SPSB1: variants seen among roughly 807,000 people sequenced by gnomAD.
SPSB1 encodes splA/ryanodine receptor domain and SOCS box containing 1.
In SPSB1, 8 loss-of-function variants were observed where a neutral mutation model predicts 21.2. That is an observed-to-expected ratio of 0.38 (90% CI 0.22 to 0.68). The LOEUF (loss-of-function observed/expected upper bound fraction) is 0.68. Ranked by LOEUF, SPSB1 falls within the 30% of genes least tolerant of loss-of-function variation. The pLI is 0.53. For missense variants in SPSB1, 242 were observed against 377.8 expected (o/e 0.64, Z 2.98); for synonymous variants, 169 against 161.7 (o/e 1.05, Z -0.34).
At chr1:9,358,172 C>T (rs1356012614) in intron 2 of SPSB1, among the ~76,000 whole-genome samples, 1 of 152,170 alleles carries the variant, frequency 6.6e-6, no homozygotes, top group South Asian at 2.1e-4. Flanking sequence ...GGGAAAGTGT[C>T]GGGGTGGTTA....
At chr1:9,306,101 C>G (rs778360607) in intron 1 of SPSB1, among the ~76,000 whole-genome samples, 1 of 152,166 alleles carries the variant, frequency 6.6e-6, no homozygotes, top group African/African-American at 2.4e-5. Context: ...GCTCCTGCAG[C>G]GGGAGGAACC....
intron 1 of SPSB1, chr1:9,351,362 A>G (rs182440767): frequency 2.0e-4 from 30 of 152,410 alleles, no homozygotes; most frequent in African/African-American, 6.7e-4. Context: ...ACAGGAGAAC[A>G]GTGATCTTTG....
At chr1:9,341,700 G>A (rs1403061010) in intron 1 of SPSB1, among the ~76,000 whole-genome samples, 2 of 152,134 alleles carry the variant, frequency 1.3e-5, no homozygotes, top group Non-Finnish European at 2.9e-5. Flanking sequence ...ACGCTGGCCT[G>A]TGTTTTTGTT....
At chr1:9,355,679 C>T (rs1007286400) in intron 1 of SPSB1, 64 bp from the exon 2 acceptor site, 41 of 1,286,604 alleles carry the variant, frequency 3.2e-5, no homozygotes, top group African/African-American at 7.6e-5. Context: ...CCTTGCCCTC[C>T]GGGTTAACTT....
intron 1 of SPSB1, among the ~76,000 whole-genome samples, chr1:9,311,878 A>C (rs1639526979): frequency 6.6e-6 from 1 of 152,294 alleles, no homozygotes; most frequent in East Asian, 1.9e-4. Flanking sequence ...ATCCTCTGCC[A>C]GATGAAATAG....
Position 9,317,656 on chromosome 1 carries a change from G to A in SPSB1, c.-150+24585G>A, listed in dbSNP as rs1320673290. Among the ~76,000 whole-genome samples, 1 of 152,028 alleles carries A rather than the reference G, an allele frequency of 6.6e-6. No individual in the cohort carries two copies. Among genetic ancestry groups the A allele is most frequent in the African/African-American group, 2.4e-5 (1 of 41,388 alleles). ...AGATATATATATATTTTTGTATTTT[G>A]TATTTTTTGTAGAGTTGGGGTTTCA... On this transcript the variant is annotated intron_variant, in intron 1 of 2. Transcript: ENST00000328089. The surrounding 1 kb of genome is among the most constrained non-coding windows in gnomAD (Gnocchi z 4.3).
chr1:9,319,333 G>C (rs758057455), intron 1 of SPSB1, among the ~76,000 whole-genome samples: 9 of 152,192 alleles, frequency 5.9e-5, no homozygotes, highest in Non-Finnish European at 1.2e-4. Flanking sequence ...CCTGGCCGTG[G>C]CATGTTGCTC....
At chr1:9,294,777 G>A (rs1473589419) in intron 1 of SPSB1, among the ~76,000 whole-genome samples, 2 of 152,264 alleles carry the variant, frequency 1.3e-5, no homozygotes, top group Non-Finnish European at 2.9e-5. Context: ...GGTGTGAGGA[G>A]AACAGCAAGC....
rs954758944 is a variant in SPSB1, at chr1:9,305,370, G to T, written c.-150+12299G>T. 1.3e-5 allele frequency among the ~76,000 whole-genome samples: 2 copies of T among 152,218 alleles called. No homozygotes were observed. The highest frequency in any genetic ancestry group is 2.4e-5 in the African/African-American group (1 of 41,462). ...CCCAGACACATGCACCCTCAGCCAT[G>T]CCAGGGACAGCTGCTGTTGTGGGCA... On this transcript the variant is annotated intron_variant, in intron 1 of 2. Coordinates refer to ENST00000328089, the MANE Select transcript of SPSB1 (RefSeq NM_025106.4). The surrounding 1 kb of genome is among the most constrained non-coding windows in gnomAD (Gnocchi z 4.8).
chr1:9,304,204 A>G (rs1251564533), intron 1 of SPSB1, among the ~76,000 whole-genome samples: 4 of 152,052 alleles, frequency 2.6e-5, no homozygotes, highest in African/African-American at 4.8e-5. Flanking sequence ...TGGGACTCAT[A>G]CCATTGGTCC....
At chr1:9,344,375 G>T (rs1481423689) in intron 1 of SPSB1, among the ~76,000 whole-genome samples, 2 of 152,192 alleles carry the variant, frequency 1.3e-5, no homozygotes, top group African/African-American at 4.8e-5. Context: ...GTAAAACAGG[G>T]CCTTTCCATC....
In SPSB1 at chr1:9,316,567, G is replaced by A. The variant is rs143056259; in HGVS notation, c.-150+23496G>A. On this transcript the variant is annotated intron_variant, in intron 1 of 2. Coordinates refer to ENST00000328089, the MANE Select transcript of SPSB1 (RefSeq NM_025106.4). ...GCTGGATGGCGAGGAGGGGGGGGCT[G>A]ATCGAAGCGGGTTCAGGGGCTGCCA... Among the ~76,000 whole-genome samples, 35 of 152,232 alleles carry A rather than the reference G, an allele frequency of 2.3e-4. No homozygotes were observed. In the East Asian group the frequency reaches 6.8e-3, roughly 29 times the overall value.
chr1:9,340,094 G>C (rs1557459043), intron 1 of SPSB1, among the ~76,000 whole-genome samples: 1 of 152,200 alleles, frequency 6.6e-6, no homozygotes, highest in South Asian at 2.1e-4. Flanking sequence ...GCAAGCTCCT[G>C]GGTGATGGTC....
chr1:9,309,968 CT>C (rs1294044354), intron 1 of SPSB1, among the ~76,000 whole-genome samples: 1 of 152,284 alleles, frequency 6.6e-6, no homozygotes, highest in East Asian at 1.9e-4. Context: ...TCTTATCTGT[CT>C]TCTTGGGGGT....
chr1:9,313,339 G>A (rs1449039425), intron 1 of SPSB1, among the ~76,000 whole-genome samples: 10 of 152,210 alleles, frequency 6.6e-5, no homozygotes, highest in Non-Finnish European at 1.5e-4. Flanking sequence ...GGCAGAGGCT[G>A]CAGTGAGCCA....
intron 1 of SPSB1, among the ~76,000 whole-genome samples, chr1:9,301,517 T>C (rs11581881): frequency 0.23 from 34,288 of 151,768 alleles, 4,340 homozygotes; most frequent in African/African-American, 0.32. Flanking sequence ...AAAAAAGCAA[T>C]TGGGGGAAGA....
At position 9,368,441 on chromosome 1, in the gene SPSB1, C is replaced by T. The variant is rs1266363454; in HGVS notation, c.*866C>T. 2 of 152,182 alleles carry T rather than the reference C, an allele frequency of 1.3e-5. No individual in the cohort carries two copies. Among genetic ancestry groups the T allele is most frequent in the African/African-American group, 2.4e-5 (1 of 41,444 alleles). 9.4% of individuals were successfully genotyped at this position (152,182 alleles called of 1,614,324 possible). A position where few individuals can be genotyped will look rare whatever the true frequency, so the allele number is the denominator to read the frequency against. On this transcript the variant is annotated 3_prime_UTR_variant, in exon 3 of 3. Coordinates refer to ENST00000328089, the MANE Select transcript of SPSB1 (RefSeq NM_025106.4). Reference sequence around the variant, plus strand: ...GGCCCCTCAGGGAGAAATAGCCTCACGTGCAATCTGGGTGTCTTCGGGGGC... The same window carrying T: ...GGCCCCTCAGGGAGAAATAGCCTCATGTGCAATCTGGGTGTCTTCGGGGGC...
At chr1:9,335,002 A>G (rs951767232) in intron 1 of SPSB1, among the ~76,000 whole-genome samples, 4 of 152,212 alleles carry the variant, frequency 2.6e-5, no homozygotes, top group Admixed American at 2.6e-4. Context: ...TGCTATGAAC[A>G]TGGGTGCACA....
In SPSB1 at chr1:9,355,898, CAGA is replaced by C. The variant is rs1436579759; in HGVS notation, c.10_12del (p.Lys4del). 1 of 1,557,328 alleles carries C rather than the reference CAGA, an allele frequency of 6.4e-7. No individual in the cohort carries two copies. The highest frequency in any genetic ancestry group is 8.7e-7 in the Non-Finnish European group (1 of 1,150,002). On this transcript the variant is annotated inframe_deletion, in exon 2 of 3. Coordinates refer to ENST00000328089, the MANE Select transcript of SPSB1 (RefSeq NM_025106.4). ...GGTGAAGCCAGGGGCGAACATGGGTCAGAAGGTCACTGGAGGGATCAAGACTGT... is the reference window on the plus strand; with the variant it reads ...GGTGAAGCCAGGGGCGAACATGGGTCAGGTCACTGGAGGGATCAAGACTGT...
Sources: allele counts gnomAD v4.1 joint callset (sites outside exome capture counted in the v4.1 genomes callset), GRCh38; gene constraint gnomAD v4.1.1; non-coding constraint Gnocchi (gnomAD v3.1); transcripts MANE v1.5; gene names NCBI Gene and HGNC (gene_info 2026-07-23, HGNC 2026-07-21).